The following ATAD2B variants were observed in gnomAD, a reference collection of about 807,000 sequenced individuals.
ATAD2B encodes the protein ATPase family AAA domain containing 2B, also known as ATPase family AAA domain-containing protein 2B.
In ATAD2B, 40 loss-of-function variants were observed where a neutral mutation model predicts 167.6. The ratio of observed to expected loss-of-function variants is 0.24; its 90% CI spans 0.19 to 0.31. ATAD2B has a LOEUF of 0.31. ATAD2B is among the 10% of genes least tolerant of loss of function. The pLI, the probability that ATAD2B is intolerant of heterozygous loss-of-function variation, is 1.00. For synonymous variants in ATAD2B, 579 were observed against 596.5 expected, an observed-to-expected ratio of 0.97 and a Z score of 0.43; for missense variants, 1,242 against 1,757.2, an observed-to-expected ratio of 0.71 and a Z score of 5.24.
intron 2 of ATAD2B, among the ~76,000 whole-genome samples, chr2:23,890,546 C>T (rs193078161): frequency 2.5e-4 from 38 of 152,294 alleles, no homozygotes; most frequent in Middle Eastern, 3.4e-3. Flanking sequence ...CCACTTAAAA[C>T]CACACAGAAA....
At chr2:23,815,512 G>A (rs1387235146) in intron 17 of ATAD2B, among the ~76,000 whole-genome samples, 3 of 152,196 alleles carry the variant, frequency 2.0e-5, no homozygotes, top group Non-Finnish European at 4.4e-5. Flanking sequence ...CAACAAAGGG[G>A]AGATGGGCCA....
chr2:23,840,317 A>G (rs930672129), intron 13 of ATAD2B, among the ~76,000 whole-genome samples: 1 of 152,190 alleles, frequency 6.6e-6, no homozygotes, highest in Non-Finnish European at 1.5e-5. Flanking sequence ...TACATTTTGC[A>G]TTCCTAATAC....
In ATAD2B at chr2:23,749,795, C is replaced by G. The variant is rs962275481; in HGVS notation, c.*2251G>C. The G allele has an allele frequency of 3.3e-5, 5 of 152,082 alleles. No individual in the cohort carries two copies. Among genetic ancestry groups the G allele is most frequent in the Non-Finnish European group, 7.4e-5 (5 of 67,998 alleles). The allele number at this position is 152,082 out of a possible 1,614,324, so 9.4% of individuals were successfully genotyped here. On this transcript the variant is annotated 3_prime_UTR_variant, in exon 28 of 28. Transcript: ENST00000238789. ...AAATAAATACATTTCCCTTTTCAAA[C>G]TCACTGATGGCTAAAATCTTAATTA...
Position 23,751,215 on chromosome 2 carries a change from T to A in ATAD2B, c.*831A>T, listed in dbSNP as rs1675316763. On this transcript the variant is annotated 3_prime_UTR_variant, in exon 28 of 28. Transcript: ENST00000238789. ...GTTTTTTTGTGTGTGGACTGTGTAT[T>A]ATTCTTTGTTGTTATTCATGTTTCT... is the stretch of plus-strand genomic sequence containing the variant. The A allele has an allele frequency of 6.6e-6, 1 of 152,158 alleles. No individual in the cohort carries two copies. Among genetic ancestry groups the A allele is most frequent in the Non-Finnish European group, 1.5e-5 (1 of 68,012 alleles). The allele number at this position is 152,158 out of a possible 1,614,324, so 9.4% of individuals were successfully genotyped here. A position where few individuals can be genotyped will look rare whatever the true frequency, so the allele number is the denominator to read the frequency against.
the ATAD2B span, among the ~76,000 whole-genome samples, chr2:23,739,913 T>C: frequency 2.7e-5 from 4 of 150,506 alleles, no homozygotes; most frequent in South Asian, 2.1e-4. Context: ...TCAGAGAATA[T>C]TATAAACACC....
intron 13 of ATAD2B, among the ~76,000 whole-genome samples, chr2:23,849,648 G>C (rs1273685492): frequency 6.6e-6 from 1 of 152,168 alleles, no homozygotes; most frequent in Non-Finnish European, 1.5e-5. Context: ...AGCTAACATG[G>C]TGAAACCCCA....
intron 7 of ATAD2B, among the ~76,000 whole-genome samples, chr2:23,878,025 A>AAAAAAAAAAAC: frequency 9.4e-6 from 1 of 106,876 alleles, no homozygotes; most frequent in African/African-American, 2.7e-5. Flanking sequence ...AAAAAAAAAA[A>AAAAAAAAAAAC]AAAAAAAAAA....
chr2:23,827,160 G>T (rs1213750396), intron 15 of ATAD2B, among the ~76,000 whole-genome samples: 1 of 151,762 alleles, frequency 6.6e-6, no homozygotes, highest in African/African-American at 2.4e-5. Context: ...TAATTATAAT[G>T]GATTTTTATG....
At chr2:23,752,938 T>C (rs1675526723) in intron 27 of ATAD2B, among the ~76,000 whole-genome samples, 1 of 152,086 alleles carries the variant, frequency 6.6e-6, no homozygotes, top group Admixed American at 6.6e-5. Context: ...CACACTGAGA[T>C]GTTTCACTGG....
chr2:23,910,240 G>A (rs566060819), intron 1 of ATAD2B, among the ~76,000 whole-genome samples: 6 of 146,248 alleles, frequency 4.1e-5, no homozygotes, highest in South Asian at 4.3e-4. Context: ...GTGCAATGGC[G>A]CGATCTCAGC....
At chr2:23,812,475 A>G (rs1685750077) in intron 17 of ATAD2B, among the ~76,000 whole-genome samples, 1 of 152,222 alleles carries the variant, frequency 6.6e-6, no homozygotes, top group Non-Finnish European at 1.5e-5. Context: ...TCAAGTTGAA[A>G]TCCCAAAAGA....
chr2:23,847,520 G>T (rs192521568), intron 13 of ATAD2B, among the ~76,000 whole-genome samples: 1 of 151,618 alleles, frequency 6.6e-6, no homozygotes, highest in African/African-American at 2.4e-5. Context: ...AAAAAGTCAG[G>T]TGGGTACAGT....
At chr2:23,924,945 T>G (rs1436936714) in intron 1 of ATAD2B, among the ~76,000 whole-genome samples, 2 of 152,156 alleles carry the variant, frequency 1.3e-5, no homozygotes, top group Non-Finnish European at 2.9e-5. Context: ...CACAAACTGA[T>G]GAGTGAAGAT....
At chr2:23,717,527 T>C in the ATAD2B span, among the ~76,000 whole-genome samples, 14 of 152,150 alleles carry the variant, frequency 9.2e-5, no homozygotes, top group South Asian at 2.1e-4. Flanking sequence ...CAAAGTGAGA[T>C]TTCAGAAAGT....
intron 12 of ATAD2B, among the ~76,000 whole-genome samples, chr2:23,860,898 G>C (rs1487702302): frequency 6.6e-6 from 1 of 152,164 alleles, no homozygotes; most frequent in African/African-American, 2.4e-5. Flanking sequence ...CTGAACCCAG[G>C]AGGTGGAGGT....
At chr2:23,871,038 C>T (rs1014697756) in intron 8 of ATAD2B, among the ~76,000 whole-genome samples, 1 of 151,910 alleles carries the variant, frequency 6.6e-6, no homozygotes, top group African/African-American at 2.4e-5. Context: ...TTCATCATAT[C>T]CAAATCAAAT....
intron 1 of ATAD2B, among the ~76,000 whole-genome samples, chr2:23,921,535 A>G (rs1024039043): frequency 1.3e-5 from 2 of 152,218 alleles, no homozygotes; most frequent in African/African-American, 4.8e-5. Context: ...GGATGGTTTA[A>G]AAGACTCCTT....
the ATAD2B span, chr2:23,703,946 C>G: frequency 7.1e-7 from 1 of 1,405,720 alleles, no homozygotes; most frequent in Admixed American, 2.3e-5. Flanking sequence ...TTCCTGCCAT[C>G]AGTGACCATA....
chr2:23,898,586 G>C (rs1573332197), intron 1 of ATAD2B, among the ~76,000 whole-genome samples: 1 of 152,186 alleles, frequency 6.6e-6, no homozygotes, highest in East Asian at 1.9e-4. Context: ...AGGACCTCTT[G>C]AGACTGTGTC....
Sources: allele counts gnomAD v4.1 joint callset (sites outside exome capture counted in the v4.1 genomes callset), GRCh38; gene constraint gnomAD v4.1.1; transcripts MANE v1.5; gene names NCBI Gene and HGNC (gene_info 2026-07-23, HGNC 2026-07-21).